Variants in TRIM43B observed in about 807,000 individuals in gnomAD.
TRIM43B encodes the protein tripartite motif containing 43B.
TRIM43B carries 15 observed loss-of-function variants against 27.0 expected under a neutral mutation model. That is an observed-to-expected ratio of 0.55 (90% CI 0.37 to 0.85). The LOEUF (loss-of-function observed/expected upper bound fraction) is 0.85. Ranked by LOEUF, TRIM43B falls within the 40% of genes least tolerant of loss-of-function variation. The probability of loss-of-function intolerance (pLI) is 0.00; values close to 1 mark genes in which losing one functional copy is unlikely to be tolerated. For missense variants in TRIM43B, 172 were observed against 289.8 expected (o/e 0.59, Z 2.95); for synonymous variants, 69 against 97.8 (o/e 0.71, Z 1.74).
Position 95,480,361 on chromosome 2 carries a change from C to A in TRIM43B, c.682G>T (p.Glu228Ter), listed in dbSNP as rs1395898279. Residue 228 changes from glutamate (E) to a stop codon, truncating the protein, a stop_gained, in exon 4 of 7, where the codon GAA becomes TAA. Transcript: ENST00000639673. LOFTEE classifies it high-confidence loss of function. ...ATTTCCATTAGTTCCTGATACATTT[C>A]TTTCAAGTGTTTACTCTTTTGATCC... 6.2e-7 allele frequency: 1 copy of A among 1,610,006 alleles called. No individual in the cohort carries two copies. The highest frequency in any genetic ancestry group is 2.2e-5 in the East Asian group (1 of 44,602).
chr2:95,483,388 A>G (rs1165481608), intron 1 of TRIM43B, among the ~76,000 whole-genome samples: 2 of 152,130 alleles, frequency 1.3e-5, no homozygotes, highest in Non-Finnish European at 2.9e-5. Flanking sequence ...CAGTCTGTTA[A>G]TTTGGGGATA....
chr2:95,484,272 G>C (rs531712608), intron 1 of TRIM43B, among the ~76,000 whole-genome samples: 167 of 151,864 alleles, frequency 1.1e-3, no homozygotes, highest in Middle Eastern at 6.8e-3. Context: ...CTCTGGAGGC[G>C]GAGGCTGAAG....
Position 95,480,182 on chromosome 2 carries a change from G to A in TRIM43B, c.738+123C>T, listed in dbSNP as rs556208306. The A allele has an allele frequency of 3.6e-5, 52 of 1,426,156 alleles. No homozygotes were observed. The Middle Eastern group carries it at 9.8e-4, about 27-fold the overall frequency. 88.3% of individuals were successfully genotyped at this position (1,426,156 alleles called of 1,614,324 possible). ...GAGTTATAGTTTATCTCTATAACCG[G>A]TGGGAATGACTCTCACCGTCAGTGC... On this transcript the variant is annotated intron_variant, in intron 4 of 6. Transcript: ENST00000639673.
rs574055938 is a variant in TRIM43B at position 95,481,650 on chromosome 2, A to C, written c.452T>G (p.Ile151Ser). Residue 151 changes from isoleucine (I) to serine (S), a missense_variant, in exon 3 of 7, where the codon ATT becomes AGT. Physicochemically the swap from Ile to Ser is moderately radical, Grantham distance 142. Around this residue, in one of 3 missense-constraint regions of TRIM43B, gnomAD observed 67 missense variants for 66.4 expected, o/e 1.01. Coordinates refer to ENST00000639673, the Ensembl canonical transcript of TRIM43B. ...ATATAGATTTCTCTGATTTTCTTGA[A>C]TCTTTTTCCATAAAATCCTCATTTG... is the stretch of plus-strand genomic sequence containing the variant. 5.3e-5 allele frequency: 85 copies of C among 1,612,450 alleles called. 1 individual carries two copies. Among genetic ancestry groups the C allele is most frequent in the Middle Eastern group, 1.6e-4 (1 of 6,066 alleles).
At chr2:95,482,306 G>C in exon 2 of TRIM43B, 4 of 1,611,528 alleles carry the variant, frequency 2.5e-6, no homozygotes, top group Non-Finnish European at 3.4e-6. Flanking sequence ...TCTCTTACCC[G>C]GTCTTCCTCA....
chr2:95,482,305 C>T lies in TRIM43B; in HGVS notation c.410G>A (p.Arg137Gln), dbSNP rs114549087. The T allele has an allele frequency of 1.1e-3, 1,715 of 1,611,570 alleles. 23 individuals carry two copies. In the African/African-American group the frequency reaches 0.021, roughly 19 times the overall value. ...GGTGATCACAGAGCTATCTCTTACC[C>T]GGTCTTCCTCAGCTGCCTCTTCGAT... The change falls in exon 2 of 7, where the codon CGG becomes CAG. Residue 137 changes from arginine to glutamine, a missense_variant and splice_region_variant. Arg to Gln is a conservative substitution (Grantham distance 43). This residue lies in a region of TRIM43B where 67 missense variants were observed against 66.4 expected (regional missense o/e 1.01). Coordinates refer to ENST00000639673, the Ensembl canonical transcript of TRIM43B.
At chr2:95,484,660 A>T (rs545808785) in exon 1 of TRIM43B, 1 of 152,232 alleles carries the variant, frequency 6.6e-6, no homozygotes, top group African/African-American at 2.4e-5. Flanking sequence ...AGATGGATTC[A>T]GCTCAGGGAT....
At chr2:95,483,104 G>C (rs1573604745) in intron 1 of TRIM43B, among the ~76,000 whole-genome samples, 1 of 152,110 alleles carries the variant, frequency 6.6e-6, no homozygotes, top group African/African-American at 2.4e-5. Flanking sequence ...TTGGTTTAGA[G>C]AAGGAAAGCT....
At chr2:95,481,738 C>T (rs759968230) in intron 2 of TRIM43B, 48 bp from the exon 3 acceptor site, 15 of 1,585,620 alleles carry the variant, frequency 9.5e-6, no homozygotes, top group East Asian at 2.3e-5. Flanking sequence ...CCAAAGATTC[C>T]ACCATCTGAG....
intron 1 of TRIM43B, among the ~76,000 whole-genome samples, chr2:95,482,962 G>A (rs559433899): frequency 3.3e-5 from 5 of 152,186 alleles, no homozygotes; most frequent in Non-Finnish European, 7.4e-5. Flanking sequence ...TTCTTGCATG[G>A]AAGAATGTCG....
At position 95,480,707 on chromosome 2, in the gene TRIM43B, C is replaced by T. The variant is rs1683506242; in HGVS notation, c.508-172G>A. On this transcript the variant is annotated intron_variant, in intron 3 of 6. Coordinates refer to ENST00000639673, the Ensembl canonical transcript of TRIM43B. ...ATGTAATTCATCAATTCCCAAACAC[C>T]TGCAAAAAAGCCCTTTAGGTTTAAA... Among the ~76,000 whole-genome samples, 3 of 151,848 alleles carry T rather than the reference C, an allele frequency of 2.0e-5. 1 individual carries two copies. The South Asian group carries it at 6.2e-4, about 32-fold the overall frequency.
chr2:95,482,566 G>T, exon 2 of TRIM43B: 1 of 1,612,998 alleles, frequency 6.2e-7, no homozygotes, highest in Admixed American at 1.7e-5. Flanking sequence ...AGGGCAGTTT[G>T]CAGGACTTTG....
chr2:95,481,277 T>A (rs1473306284), intron 3 of TRIM43B, among the ~76,000 whole-genome samples: 1 of 152,134 alleles, frequency 6.6e-6, no homozygotes, highest in Non-Finnish European at 1.5e-5. Context: ...TATTCACCAA[T>A]AAATGCCTTT....
exon 4 of TRIM43B, chr2:95,480,520 G>A (rs781744171): frequency 3.8e-5 from 61 of 1,608,166 alleles, no homozygotes; most frequent in African/African-American, 1.3e-4. Context: ...ATCTGTGCCC[G>A]TAAAACCACA....
chr2:95,483,819 C>T (rs1227650160), intron 1 of TRIM43B, among the ~76,000 whole-genome samples: 1 of 151,934 alleles, frequency 6.6e-6, no homozygotes. Context: ...CAGAGCAAGA[C>T]TCTGTCTCCC....
chr2:95,481,839 T>G, intron 2 of TRIM43B, 149 bp from the exon 3 acceptor site: 1 of 718,202 alleles, frequency 1.4e-6, no homozygotes, highest in Non-Finnish European at 2.3e-6. Context: ...TAATTGATAT[T>G]TTTCAGTTTG....
exon 2 of TRIM43B, chr2:95,482,598 G>C: frequency 6.2e-7 from 1 of 1,613,514 alleles, no homozygotes; most frequent in Non-Finnish European, 8.5e-7. Flanking sequence ...ACGAAAGGCA[G>C]AGACAGGGCC....
chr2:95,482,313 C>A, exon 2 of TRIM43B: 1 of 1,611,648 alleles, frequency 6.2e-7, no homozygotes, highest in Non-Finnish European at 8.5e-7. Context: ...CCCGGTCTTC[C>A]TCAGCTGCCT....
At chr2:95,483,831 C>G (rs183488208) in intron 1 of TRIM43B, among the ~76,000 whole-genome samples, 4 of 151,462 alleles carry the variant, frequency 2.6e-5, no homozygotes, top group Admixed American at 6.6e-5. Flanking sequence ...CTGTCTCCCC[C>G]CCAAAACAAA....
Sources: gnomAD v4.1 joint callset for allele counts (sites outside exome capture counted in the v4.1 genomes callset) on GRCh38, gnomAD v4.1.1 for gene constraint, gnomAD v4.1.1 regional missense constraint, MANE v1.5 for transcripts, NCBI Gene and HGNC (gene_info 2026-07-23, HGNC 2026-07-21) for gene names.